Variants in EIF2AK3 observed in about 807,000 individuals in gnomAD.
EIF2AK3 encodes the protein eukaryotic translation initiation factor 2-alpha kinase 3.
EIF2AK3 carries 50 observed loss-of-function variants against 113.5 expected under a neutral mutation model. The ratio of observed to expected loss-of-function variants is 0.44; its 90% CI spans 0.35 to 0.56. The LOEUF is 0.56. Among genes scored for constraint, EIF2AK3 ranks in the 20% least tolerant of loss-of-function variants. The pLI, the probability that EIF2AK3 is intolerant of heterozygous loss-of-function variation, is 0.00. For synonymous variants in EIF2AK3, 448 were observed against 495.4 expected, an observed-to-expected ratio of 0.90 and a Z score of 1.27; for missense variants, 1,185 against 1,378.0, an observed-to-expected ratio of 0.86 and a Z score of 2.22.
chr2:88,581,764 A>G (rs1674607488), intron 10 of EIF2AK3, among the ~76,000 whole-genome samples: 1 of 152,284 alleles, frequency 6.6e-6, no homozygotes, highest in African/African-American at 2.4e-5. Context: ...AGCCTTTAGC[A>G]TTTGTTAATC....
intron 10 of EIF2AK3, among the ~76,000 whole-genome samples, chr2:88,582,448 C>T (rs1158737421): frequency 6.6e-6 from 1 of 152,156 alleles, no homozygotes; most frequent in Non-Finnish European, 1.5e-5. Context: ...TATAGAATTA[C>T]AACCGGCTGA....
intron 14 of EIF2AK3, 81 bp downstream of exon 14, chr2:88,570,793 G>C (rs973979526): frequency 6.5e-7 from 1 of 1,550,366 alleles, no homozygotes; most frequent in African/African-American, 1.4e-5. Flanking sequence ...TAGATTACTG[G>C]GTATTTTAAT....
In EIF2AK3 at chr2:88,620,969, C is replaced by A. The variant is rs574481692; in HGVS notation, c.308+5998G>T. On this transcript the variant is annotated intron_variant, in intron 1 of 16. Coordinates refer to ENST00000303236, the MANE Select transcript of EIF2AK3 (RefSeq NM_004836.7). ...AAACATATTATCTACACAAAACAATCACCACCAAAAAGGCTGAGAAGATGG... is the reference window on the plus strand; with the variant it reads ...AAACATATTATCTACACAAAACAATAACCACCAAAAAGGCTGAGAAGATGG... 7.2e-5 allele frequency among the ~76,000 whole-genome samples: 11 copies of A among 152,308 alleles called. No homozygotes were observed. In the South Asian group the frequency reaches 2.3e-3, roughly 32 times the overall value.
rs769136888 is a variant in EIF2AK3, at chr2:88,574,718, G to A, written c.2765C>T (p.Ala922Val). ...ACTGTGAAGAAACTCCACTGCCTCTGCGATCTGCAGGAAGATGTGCAGACA... is the reference window on the plus strand; with the variant it reads ...ACTGTGAAGAAACTCCACTGCCTCTACGATCTGCAGGAAGATGTGCAGACA... ...SVCLHIFLQI[A>V]EAVEFLHSKG... Residue 922 changes from alanine to valine, a missense_variant, in exon 13 of 17, where the codon GCA becomes GTA. Around this residue, in one of 3 missense-constraint regions of EIF2AK3, gnomAD observed 877 missense variants for 1,024.2 expected, o/e 0.86. Coordinates refer to ENST00000303236, the MANE Select transcript of EIF2AK3 (RefSeq NM_004836.7). The A allele has an allele frequency of 1.2e-6, 2 of 1,614,166 alleles. No individual in the cohort carries two copies. The highest frequency in any genetic ancestry group is 1.7e-6 in the Non-Finnish European group (2 of 1,180,018).
intron 15 of EIF2AK3, among the ~76,000 whole-genome samples, chr2:88,559,701 T>C (rs1173396534): frequency 6.6e-6 from 1 of 152,180 alleles, no homozygotes. Context: ...TCATAAAAAC[T>C]GAATGATATA....
At chr2:88,566,050 G>T (rs754070409) in intron 14 of EIF2AK3, among the ~76,000 whole-genome samples, 18 of 152,058 alleles carry the variant, frequency 1.2e-4, no homozygotes, top group Non-Finnish European at 2.5e-4. Flanking sequence ...CCTTAAGTAG[G>T]TATCTATGCT....
chr2:88,601,934 C>T (rs1157498806), intron 2 of EIF2AK3, among the ~76,000 whole-genome samples: 2 of 149,816 alleles, frequency 1.3e-5, no homozygotes, highest in Non-Finnish European at 1.5e-5. Flanking sequence ...TCACTGCAAC[C>T]TCCACCTCCC....
At chr2:88,602,406 A>C (rs1675172250) in intron 2 of EIF2AK3, among the ~76,000 whole-genome samples, 1 of 152,184 alleles carries the variant, frequency 6.6e-6, no homozygotes. Context: ...TGTATAAGCT[A>C]AGAAGCAACA....
chr2:88,558,037 C>A, intron 16 of EIF2AK3, 101 bp from the exon 17 acceptor site: 1 of 1,243,242 alleles, frequency 8.0e-7, no homozygotes, highest in Non-Finnish European at 1.2e-6. Context: ...ATATTTTAAG[C>A]TTTTGAGCCA....
At position 88,583,869 on chromosome 2, in the gene EIF2AK3, T is replaced by C. The variant is rs191849874; in HGVS notation, c.1651-327A>G. On this transcript the variant is annotated intron_variant, in intron 9 of 16. Coordinates refer to ENST00000303236, the MANE Select transcript of EIF2AK3 (RefSeq NM_004836.7). Reference sequence around the variant, plus strand: ...ACTCCTGGGCAAGACTAGAGTGATTTCTTTTGACAAAATAAGGTAGGGAAA... The same window carrying C: ...ACTCCTGGGCAAGACTAGAGTGATTCCTTTTGACAAAATAAGGTAGGGAAA... 6.3e-3 allele frequency among the ~76,000 whole-genome samples: 959 copies of C among 151,546 alleles called. 7 individuals carry two copies. The highest frequency in any genetic ancestry group is 1.0e-2 in the Non-Finnish European group (679 of 67,998).
Position 88,586,075 on chromosome 2 carries a change from C to A in EIF2AK3, c.1430-14G>T. ...AATAACCATTATCTTCAAATAGAAA[C>A]ATTAAAACGTTTTTTTTAAAGGTAA... On this transcript the variant is annotated splice_polypyrimidine_tract_variant and intron_variant, in intron 8 of 16. Coordinates refer to ENST00000303236, the MANE Select transcript of EIF2AK3 (RefSeq NM_004836.7). The A allele has an allele frequency of 6.2e-7, 1 of 1,607,550 alleles. No homozygotes were observed. The highest frequency in any genetic ancestry group is 1.1e-5 in the South Asian group (1 of 90,802).
intron 1 of EIF2AK3, among the ~76,000 whole-genome samples, chr2:88,621,711 G>A (rs945026207): frequency 1.3e-5 from 2 of 152,040 alleles, no homozygotes; most frequent in Admixed American, 6.6e-5. Flanking sequence ...GACTAGCCAT[G>A]CCCCAAATCA....
chr2:88,617,260 A>T (rs1489120072), intron 1 of EIF2AK3, among the ~76,000 whole-genome samples: 14 of 152,212 alleles, frequency 9.2e-5, no homozygotes, highest in African/African-American at 3.1e-4. Flanking sequence ...TCAGCAGTAA[A>T]CTGGATAAAG....
chr2:88,613,591 T>C lies in EIF2AK3; in HGVS notation c.438+133A>G, dbSNP rs1675502822. 3.4e-6 allele frequency: 3 copies of C among 884,612 alleles called. No individual in the cohort carries two copies. The Admixed American group carries it at 6.2e-5, about 18-fold the overall frequency. The allele number at this position is 884,612 out of a possible 1,614,324, so 54.8% of individuals were successfully genotyped here. On this transcript the variant is annotated intron_variant, in intron 2 of 16. Transcript: ENST00000303236. ...CTGAGGAATAGAAAAGTTAAGTAAT[T>C]GCCCTAAAGGGACACAAACTGTAAG...
intron 9 of EIF2AK3, 26 bp downstream of exon 9, chr2:88,585,815 A>T (rs369640508): frequency 1.3e-4 from 203 of 1,605,874 alleles, no homozygotes; most frequent in Non-Finnish European, 1.7e-4. Context: ...AGTGGAAACC[A>T]GACAGTAAGC....
chr2:88,607,368 T>C (rs1161938240), intron 2 of EIF2AK3, among the ~76,000 whole-genome samples: 2 of 152,214 alleles, frequency 1.3e-5, no homozygotes, highest in Non-Finnish European at 2.9e-5. Flanking sequence ...TTAGCTACTA[T>C]TAACTGGCAA....
At chr2:88,558,874 A>G in intron 16 of EIF2AK3, 43 bp downstream of exon 16, 28 of 1,478,452 alleles carry the variant, frequency 1.9e-5, no homozygotes, top group Non-Finnish European at 2.6e-5. Context: ...CTTACGTTCT[A>G]AAGATGATTC....
At chr2:88,568,127 C>T (rs954082870) in intron 14 of EIF2AK3, among the ~76,000 whole-genome samples, 1 of 152,170 alleles carries the variant, frequency 6.6e-6, no homozygotes, top group African/African-American at 2.4e-5. Context: ...AATGCAAACA[C>T]TTCAAAAGGA....
At chr2:88,610,172 C>T (rs907626120) in intron 2 of EIF2AK3, among the ~76,000 whole-genome samples, 4 of 152,014 alleles carry the variant, frequency 2.6e-5, no homozygotes, top group Non-Finnish European at 4.4e-5. Flanking sequence ...TGCCAATTTG[C>T]GCTTCACAGC....
Sources: gnomAD v4.1 joint callset for allele counts (sites outside exome capture counted in the v4.1 genomes callset) on GRCh38, gnomAD v4.1.1 for gene constraint, gnomAD v4.1.1 regional missense constraint, MANE v1.5 for transcripts, NCBI Gene and HGNC (gene_info 2026-07-23, HGNC 2026-07-21) for gene names.